The following ZNF567 variants were observed in gnomAD, a reference collection of about 807,000 sequenced individuals.
ZNF567 encodes zinc finger protein 567.
ZNF567 carries 36 observed loss-of-function variants against 53.9 expected under a neutral mutation model. The observed-to-expected ratio is 0.67, with a 90% CI of 0.51 to 0.88. ZNF567 has a LOEUF of 0.88. Ranked by LOEUF, ZNF567 falls within the 40% of genes least tolerant of loss-of-function variation. The probability of loss-of-function intolerance (pLI) is 0.00; values close to 1 mark genes in which losing one functional copy is unlikely to be tolerated. For synonymous variants in ZNF567, 224 were observed against 260.4 expected (o/e 0.86, Z 1.35); for missense variants, 619 against 764.7 (o/e 0.81, Z 2.25).
intron 2 of ZNF567, among the ~76,000 whole-genome samples, chr19:36,690,799 T>C (rs1004287775): frequency 3.9e-5 from 6 of 152,208 alleles, no homozygotes; most frequent in African/African-American, 1.4e-4. Context: ...ATGAATTTTA[T>C]GGTGTGTAAA....
intron 3 of ZNF567, among the ~76,000 whole-genome samples, chr19:36,699,516 A>G (rs1294652706): frequency 1.3e-5 from 2 of 152,080 alleles, no homozygotes; most frequent in African/African-American, 2.4e-5. Flanking sequence ...CTTGGTCAGT[A>G]TGGCCATTTT....
chr19:36,719,257 A>G lies in ZNF567; in HGVS notation c.533A>G (p.His178Arg). The stretch of plus-strand genomic sequence containing the variant: ...CTGAGTACTAAACAAGAGACTACTC[A>G]TCCTGAAGTCAAATCCCATAATCAA... ...SLLSTKQETT[H>R]PEVKSHNQSA... The change falls in exon 6 of 6, where the codon CAT (histidine) becomes CGT (arginine). Residue 178 changes from histidine to arginine, a missense_variant. His to Arg is a conservative substitution (Grantham distance 29, BLOSUM62 0). Coordinates refer to ENST00000682579, the MANE Select transcript of ZNF567 (RefSeq NM_001322917.1). 8 of 1,614,114 alleles carry G rather than the reference A, an allele frequency of 5.0e-6. No individual in the cohort carries two copies. Among genetic ancestry groups the G allele is most frequent in the Non-Finnish European group, 6.8e-6 (8 of 1,180,004 alleles).
intron 3 of ZNF567, among the ~76,000 whole-genome samples, chr19:36,704,848 A>G (rs1027214279): frequency 6.6e-6 from 1 of 152,176 alleles, no homozygotes; most frequent in Admixed American, 6.5e-5. Context: ...CTTTGTGGAA[A>G]GTTGTTTAAC....
chr19:36,704,007 C>G (rs1266741455), intron 3 of ZNF567, among the ~76,000 whole-genome samples: 1 of 152,228 alleles, frequency 6.6e-6, no homozygotes, highest in Admixed American at 6.5e-5. Context: ...ATGCAGAAAT[C>G]ACCTGTCTTC....
chr19:36,719,861 A>G lies in ZNF567; in HGVS notation c.1137A>G (p.Thr379=). The change falls in exon 6 of 6, where the codon ACA becomes ACG. Residue 379 remains threonine, a synonymous_variant. Transcript: ENST00000682579. ...GGAAGTCCTTCCGCCAGAAGACAAC[A>G]CTCTCTCTACATCAGAGAATCCATA... ...DCGKSFRQKT[T]LSLHQRIHTG... 6.2e-7 allele frequency: 1 copy of G among 1,610,030 alleles called. No individual in the cohort carries two copies. Among genetic ancestry groups the G allele is most frequent in the Non-Finnish European group, 8.5e-7 (1 of 1,178,708 alleles).
At chr19:36,722,699 G>A (rs369891500), downstream of ZNF567, among the ~76,000 whole-genome samples, 1 of 152,198 alleles carries the variant, frequency 6.6e-6, no homozygotes, top group African/African-American at 2.4e-5. Flanking sequence ...ATATTAAACA[G>A]ACCCTCTGGC....
chr19:36,701,003 A>C (rs1333768130), intron 3 of ZNF567, among the ~76,000 whole-genome samples: 1 of 151,318 alleles, frequency 6.6e-6, no homozygotes, highest in Non-Finnish European at 1.5e-5. Context: ...TAGTTCTTTT[A>C]ATTGTGATGT....
intron 3 of ZNF567, among the ~76,000 whole-genome samples, chr19:36,696,609 T>A (rs917198827): frequency 1.3e-5 from 2 of 152,164 alleles, no homozygotes; most frequent in Non-Finnish European, 2.9e-5. Flanking sequence ...TGCAAAACTA[T>A]TGAGTGGTAA....
chr19:36,687,066 A>G (rs2038292224), upstream of ZNF567, among the ~76,000 whole-genome samples: 1 of 152,188 alleles, frequency 6.6e-6, no homozygotes, highest in Non-Finnish European at 1.5e-5. Context: ...CTCAGTCCCA[A>G]CATTAAACAC....
At chr19:36,714,696 T>G (rs1171154061) in intron 5 of ZNF567, among the ~76,000 whole-genome samples, 1 of 152,226 alleles carries the variant, frequency 6.6e-6, no homozygotes, top group Non-Finnish European at 1.5e-5. Context: ...ATAAAACCTT[T>G]GTGGTTCATT....
chr19:36,689,906 A>G (rs2038508798), intron 2 of ZNF567, among the ~76,000 whole-genome samples: 1 of 152,204 alleles, frequency 6.6e-6, no homozygotes, highest in South Asian at 2.1e-4. Context: ...TCTAAAAATA[A>G]CAGTCTCTTA....
At chr19:36,701,886 G>A (rs1424135687) in intron 3 of ZNF567, among the ~76,000 whole-genome samples, 10 of 149,708 alleles carry the variant, frequency 6.7e-5, no homozygotes, top group Non-Finnish European at 1.2e-4. Flanking sequence ...CAATTTGCCA[G>A]TCTGTGTCTT....
At chr19:36,681,808 A>G in the ZNF567 span, among the ~76,000 whole-genome samples, 17 of 151,322 alleles carry the variant, frequency 1.1e-4, no homozygotes, top group Non-Finnish European at 2.4e-4. Context: ...GTTTAATATT[A>G]TTAACTATAG....
At chr19:36,690,360 A>G (rs2038534891) in intron 2 of ZNF567, among the ~76,000 whole-genome samples, 1 of 152,196 alleles carries the variant, frequency 6.6e-6, no homozygotes, top group Admixed American at 6.5e-5. Context: ...TGGGAGGCTG[A>G]GGTGTGTGCA....
chr19:36,723,095 A>G, downstream of ZNF567: 1 of 683,040 alleles, frequency 1.5e-6, no homozygotes, highest in Non-Finnish European at 2.7e-6. Flanking sequence ...TTGTGAATTT[A>G]TAGGGGAGTT....
At chr19:36,704,223 T>G (rs2039372081) in intron 3 of ZNF567, among the ~76,000 whole-genome samples, 1 of 152,136 alleles carries the variant, frequency 6.6e-6, no homozygotes, top group Non-Finnish European at 1.5e-5. Context: ...GCGAATCACT[T>G]GAGCCAGGAG....
At chr19:36,706,681 G>T (rs3108569) in intron 3 of ZNF567, among the ~76,000 whole-genome samples, 43,918 of 84,938 alleles carry the variant, frequency 0.52, 8,762 homozygotes, top group East Asian at 0.7. Context: ...TTTTTTTTTT[G>T]TTTTTTTTTT....
chr19:36,722,136 G>A (rs530646212), downstream of ZNF567, among the ~76,000 whole-genome samples: 175 of 152,228 alleles, frequency 1.1e-3, no homozygotes, highest in South Asian at 1.0e-3. Flanking sequence ...TTGAGAATTG[G>A]AAATCTGCGA....
Position 36,712,530 on chromosome 19 carries a change from T to G in ZNF567, c.136+18T>G. 1 of 1,614,034 alleles carries G rather than the reference T, an allele frequency of 6.2e-7. No individual in the cohort carries two copies. The highest frequency in any genetic ancestry group is 2.2e-5 in the East Asian group (1 of 44,876). ...CTCTGTGGGTAAGAAAAATCCTCTT[T>G]GAAACTTTAGTAGCATGCACTTCCT... is the stretch of plus-strand genomic sequence containing the variant. On this transcript the variant is annotated intron_variant, in intron 4 of 5. Transcript: ENST00000682579.
Sources: gnomAD v4.1 joint callset for allele counts (sites outside exome capture counted in the v4.1 genomes callset) on GRCh38, gnomAD v4.1.1 for gene constraint, MANE v1.5 for transcripts, NCBI Gene and HGNC (gene_info 2026-07-23, HGNC 2026-07-21) for gene names.